The following POC1B variants were observed in gnomAD, a reference collection of about 807,000 sequenced individuals.
POC1B encodes the protein POC1 centriolar protein homolog B.
POC1B carries 44 observed loss-of-function variants against 60.6 expected under a neutral mutation model. That is an observed-to-expected ratio of 0.73 (90% confidence interval 0.57 to 0.93). The LOEUF (loss-of-function observed/expected upper bound fraction) is 0.93, where lower values mean the gene tolerates loss of function less well. Among genes scored for constraint, POC1B ranks in the 40% least tolerant of loss-of-function variants. POC1B has a pLI of 0.00. For synonymous variants in POC1B, 180 were observed against 198.9 expected (o/e 0.90, Z 0.80); for missense variants, 555 against 572.3 (o/e 0.97, Z 0.31).
intron 7 of POC1B, among the ~76,000 whole-genome samples, chr12:89,470,118 C>T (rs951815259): frequency 1.1e-4 from 17 of 152,024 alleles, no homozygotes; most frequent in Admixed American, 5.9e-4. Context: ...GTGATCTGCC[C>T]GCCTCAGCCT....
chr12:89,458,118 A>G (rs1882329775), intron 10 of POC1B, among the ~76,000 whole-genome samples: 1 of 152,200 alleles, frequency 6.6e-6, no homozygotes, highest in Non-Finnish European at 1.5e-5. Context: ...AAGATTTTTA[A>G]TGATCTATGA....
chr12:89,459,623 A>AAC lies in POC1B; in HGVS notation c.1113+14_1113+15insGT. 6.4e-6 allele frequency: 9 copies of AAC among 1,395,932 alleles called. 1 individual carries two copies. Among genetic ancestry groups the AAC allele is most frequent in the Non-Finnish European group, 7.7e-6 (8 of 1,034,598 alleles). The allele number at this position is 1,395,932 out of a possible 1,614,324, so 86.5% of individuals were successfully genotyped here. On this transcript the variant is annotated intron_variant, in intron 10 of 11. Coordinates refer to ENST00000313546, the MANE Select transcript of POC1B (RefSeq NM_172240.3). ...CCACTTAAGTGTCAAAAAAAAAAAAAAAAACCCGACTTACTGTGGTAGAAT... is the reference window on the plus strand; with the variant it reads ...CCACTTAAGTGTCAAAAAAAAAAAAAACAAAACCCGACTTACTGTGGTAGAAT...
At chr12:89,457,732 T>C (rs1882315482) in intron 10 of POC1B, among the ~76,000 whole-genome samples, 1 of 152,200 alleles carries the variant, frequency 6.6e-6, no homozygotes, top group Non-Finnish European at 1.5e-5. Context: ...AAAATGACAA[T>C]TTCATATAAT....
chr12:89,405,620 T>A, the POC1B span, among the ~76,000 whole-genome samples: 2 of 151,872 alleles, frequency 1.3e-5, no homozygotes, highest in South Asian at 2.1e-4. Context: ...TAAAAAAAAA[T>A]AGTTGTTTAA....
At chr12:89,505,232 C>T (rs552393288) in intron 2 of POC1B, among the ~76,000 whole-genome samples, 30 of 152,298 alleles carry the variant, frequency 2.0e-4, no homozygotes, top group African/African-American at 7.0e-4. Context: ...TCATATACTA[C>T]TAGTGGTTAT....
intron 4 of POC1B, among the ~76,000 whole-genome samples, chr12:89,484,935 A>AT (rs1011433226): frequency 6.6e-6 from 1 of 152,046 alleles, no homozygotes; most frequent in Admixed American, 6.5e-5. Flanking sequence ...ATCTAACAAG[A>AT]TTTTTTCTAC....
intron 3 of POC1B, among the ~76,000 whole-genome samples, chr12:89,496,545 T>C (rs989166772): frequency 2.6e-5 from 4 of 152,078 alleles, no homozygotes; most frequent in African/African-American, 9.7e-5. Flanking sequence ...TGCTTGAAAA[T>C]TTACATACTT....
chr12:89,452,387 A>C lies in POC1B; in HGVS notation c.1113+7251T>G, dbSNP rs545853376. 4.6e-5 allele frequency among the ~76,000 whole-genome samples: 7 copies of C among 152,294 alleles called. No homozygotes were observed. In the East Asian group the frequency reaches 1.4e-3, roughly 29 times the overall value. On this transcript the variant is annotated intron_variant, in intron 10 of 11. Coordinates refer to ENST00000313546, the MANE Select transcript of POC1B (RefSeq NM_172240.3). ...TGGGCTCCCAAATAGCATGATTTAT[A>C]AATCCTTTTGTAAATTTTCCTTTTT...
At chr12:89,525,764 C>T (rs1871420596) in intron 1 of POC1B, 117 bp downstream of exon 1, 4 of 1,358,146 alleles carry the variant, frequency 2.9e-6, no homozygotes, top group Non-Finnish European at 3.8e-6. Flanking sequence ...GCTCAGGACC[C>T]GGCTACGGAC....
At chr12:89,503,910 C>A (rs1367704900) in intron 2 of POC1B, among the ~76,000 whole-genome samples, 1 of 150,072 alleles carries the variant, frequency 6.7e-6, no homozygotes, top group Non-Finnish European at 1.5e-5. Flanking sequence ...AAGTGAGGAG[C>A]CCCTCCGCCC....
rs1262742000 is a variant in POC1B, at chr12:89,425,196, C to T, written c.1297G>A (p.Glu433Lys). ...SIPLAVTDAL[E>K]HIMEQLNVLT... ...ACATTGAGTTGTTCCATAATATGCT[C>T]TAAAGCATCAGTCACAGCGAGAGGT... The change falls in exon 11 of 12, where the codon GAG (glutamate) becomes AAG (lysine). Residue 433 changes from glutamate to lysine, a missense_variant. Transcript: ENST00000313546. 2.5e-6 allele frequency: 4 copies of T among 1,614,148 alleles called. No homozygotes were observed. In the South Asian group the frequency reaches 4.4e-5, roughly 18 times the overall value.
chr12:89,491,469 C>G (rs1868965968), intron 4 of POC1B, among the ~76,000 whole-genome samples: 1 of 151,478 alleles, frequency 6.6e-6, no homozygotes, highest in African/African-American at 2.4e-5. Context: ...ACTAAAAATA[C>G]AAAAAATTAT....
At chr12:89,422,425 A>G (rs1224550571) in intron 11 of POC1B, among the ~76,000 whole-genome samples, 1 of 152,118 alleles carries the variant, frequency 6.6e-6, no homozygotes, top group Non-Finnish European at 1.5e-5. Context: ...TTCTCTGTTG[A>G]TAAGCTCAGG....
At chr12:89,432,850 C>T (rs1056314800) in intron 10 of POC1B, among the ~76,000 whole-genome samples, 5 of 152,166 alleles carry the variant, frequency 3.3e-5, no homozygotes, top group African/African-American at 9.7e-5. Flanking sequence ...GTTACTGGCA[C>T]GTAGATCTTT....
rs189262313 is a variant in POC1B, at chr12:89,498,242, G to C, written c.101-900C>G. 7.2e-4 allele frequency among the ~76,000 whole-genome samples: 109 copies of C among 152,292 alleles called. 2 individuals carry two copies. The East Asian group carries it at 0.02, about 27-fold the overall frequency. ...AATAAAAGAATTAAAAGAATCGTGT[G>C]TGTCAGACAATAGTTTAAGGATTTA... On this transcript the variant is annotated intron_variant, in intron 2 of 11. Coordinates refer to ENST00000313546, the MANE Select transcript of POC1B (RefSeq NM_172240.3).
Position 89,420,302 on chromosome 12 carries a change from T to C in POC1B, c.*851A>G, listed in dbSNP as rs959412440. On this transcript the variant is annotated 3_prime_UTR_variant, in exon 12 of 12. Transcript: ENST00000313546. The stretch of plus-strand genomic sequence containing the variant: ...TACTATTTAGCTGCCCAAATCACCC[T>C]AAGCAACAATATTTCTGAAGCATGT... The C allele has an allele frequency of 6.6e-6, 1 of 152,228 alleles. No homozygotes were observed. The highest frequency in any genetic ancestry group is 2.4e-5 in the African/African-American group (1 of 41,460). The allele number at this position is 152,228 out of a possible 1,614,324, so 9.4% of individuals were successfully genotyped here. A position where few individuals can be genotyped will look rare whatever the true frequency, so the allele number is the denominator to read the frequency against.
intron 2 of POC1B, chr12:89,521,849 C>G (rs1013590808): frequency 7.5e-6 from 3 of 397,512 alleles, no homozygotes; most frequent in Non-Finnish European, 1.3e-5. Context: ...CAGCAGAACT[C>G]GTAGGAGAGT....
chr12:89,518,663 C>T (rs780725563), intron 2 of POC1B, among the ~76,000 whole-genome samples: 1 of 152,136 alleles, frequency 6.6e-6, no homozygotes, highest in Non-Finnish European at 1.5e-5. Flanking sequence ...TCTCTGTTAG[C>T]GTTCTCTATT....
the POC1B span, among the ~76,000 whole-genome samples, chr12:89,407,603 G>A: frequency 3.3e-5 from 5 of 152,018 alleles, no homozygotes; most frequent in Non-Finnish European, 7.4e-5. Context: ...TCACTGCAGG[G>A]GCCAAACAAA....
Sources: gnomAD v4.1 joint callset for allele counts (sites outside exome capture counted in the v4.1 genomes callset) on GRCh38, gnomAD v4.1.1 for gene constraint, MANE v1.5 for transcripts, NCBI Gene and HGNC (gene_info 2026-07-23, HGNC 2026-07-21) for gene names.